The following C17orf99 variants were observed in gnomAD, a reference collection of about 807,000 sequenced individuals.
The protein encoded by C17orf99 is protein IL-40.
Under a neutral mutation model 22.6 loss-of-function variants are expected in C17orf99, and 18 were observed. That is an observed-to-expected ratio of 0.80 (90% CI 0.55 to 1.18). C17orf99 has a LOEUF of 1.18. Among genes scored for constraint, C17orf99 ranks in the 50% most tolerant of loss-of-function variants. The pLI, the probability that C17orf99 is intolerant of heterozygous loss-of-function variation, is 0.00. For synonymous variants in C17orf99, 147 were observed against 136.6 expected (o/e 1.08, Z -0.53); for missense variants, 328 against 342.7 (o/e 0.96, Z 0.34).
chr17:78,157,892 A>T, intron 2 of C17orf99: 1 of 1,170,366 alleles, frequency 8.5e-7, no homozygotes, highest in Non-Finnish European at 1.3e-6. Context: ...GATGACTGGC[A>T]AGCACGGCCA....
At chr17:78,160,647 GCTCAC>G in intron 2 of C17orf99, 42 of 401,224 alleles carry the variant, frequency 1.0e-4, no homozygotes, top group South Asian at 3.0e-4. Flanking sequence ...TGTGATCTCG[GCTCAC>G]TGCCACCTGC....
chr17:78,160,837 C>A, intron 2 of C17orf99, 118 bp from the exon 3 acceptor site: 1 of 756,324 alleles, frequency 1.3e-6, no homozygotes, highest in Non-Finnish European at 2.2e-6. Context: ...TCCACCTGGA[C>A]CTCCCAAACA....
At chr17:78,149,012 A>T (rs935935967) in intron 2 of C17orf99, among the ~76,000 whole-genome samples, 13 of 151,884 alleles carry the variant, frequency 8.6e-5, no homozygotes, top group African/African-American at 3.1e-4. Flanking sequence ...ATGGCATGGG[A>T]TGGGATGGGA....
At position 78,146,429 on chromosome 17, in the gene C17orf99, T is replaced by C. The variant is rs1405722635; in HGVS notation, c.22T>C (p.Cys8Arg). Residue 8 changes from cysteine (C) to arginine (R), a missense_variant, in exon 1 of 5, where the codon TGC (cysteine) becomes CGC (arginine). Physicochemically the swap from Cys to Arg is radical, Grantham distance 180. Coordinates refer to ENST00000340363, the MANE Select transcript of C17orf99 (RefSeq NM_001163075.2). The surrounding 1 kb of genome is among the most constrained non-coding windows in gnomAD (Gnocchi z 5.2). MGLPGLF[C>R]LAVLAASSFS... ...AGGCATGGGGCTCCCTGGGCTGTTC[T>C]GCTTGGCCGTGCTGGGTGAGTCCAC... The C allele has an allele frequency of 6.5e-7, 1 of 1,550,216 alleles. No homozygotes were observed. The highest frequency in any genetic ancestry group is 1.4e-5 in the African/African-American group (1 of 72,956).
chr17:78,146,150 G>A (rs2075436106), upstream of C17orf99, among the ~76,000 whole-genome samples: 1 of 152,212 alleles, frequency 6.6e-6, no homozygotes, highest in South Asian at 2.1e-4. This position sits in a 1 kb window ranked among gnomAD's most constrained non-coding sequence, Gnocchi z 5.2. Context: ...GGTGACTGCT[G>A]AGTCTAAGCC....
rs1415482263 is a variant in C17orf99, at chr17:78,166,168, A to C, written c.*122A>C. Reference sequence around the variant, plus strand: ...CTGCTCTTGCCACAAAAAAAAAAAAAAAAAAAAAAGGGTAACTATGAGAGA... The same window carrying C: ...CTGCTCTTGCCACAAAAAAAAAAAACAAAAAAAAAGGGTAACTATGAGAGA... On this transcript the variant is annotated 3_prime_UTR_variant, in exon 5 of 5. Transcript: ENST00000340363. 1.2e-5 allele frequency: 5 copies of C among 405,508 alleles called. 1 individual carries two copies. The highest frequency in any genetic ancestry group is 1.7e-5 in the Non-Finnish European group (4 of 229,844). The allele number at this position is 405,508 out of a possible 1,614,324, so 25.1% of individuals were successfully genotyped here.
intron 2 of C17orf99, among the ~76,000 whole-genome samples, chr17:78,148,969 TAC>T (rs1366761989): frequency 5.9e-5 from 9 of 151,702 alleles, no homozygotes; most frequent in Non-Finnish European, 1.2e-4. Context: ...GGGGTGGACA[TAC>T]ATTCTGGAGG....
intron 4 of C17orf99, chr17:78,165,292 G>C: frequency 7.1e-6 from 7 of 986,114 alleles, no homozygotes; most frequent in Non-Finnish European, 8.4e-6. Flanking sequence ...CGTGGCCCAG[G>C]CCCTTACGTG....
chr17:78,159,562 A>T (rs1188748566), intron 2 of C17orf99, among the ~76,000 whole-genome samples: 1 of 147,328 alleles, frequency 6.8e-6, no homozygotes, highest in African/African-American at 2.6e-5. Flanking sequence ...TCTCTTGAAC[A>T]CGGGAGGCGA....
At chr17:78,158,300 A>ATTT in intron 2 of C17orf99, 1 of 339,616 alleles carries the variant, frequency 2.9e-6, no homozygotes, top group South Asian at 2.7e-5. Context: ...CCTCCTACAC[A>ATTT]TTTTTTTTTT....
chr17:78,148,243 C>T (rs1375589772), intron 2 of C17orf99, among the ~76,000 whole-genome samples: 2 of 149,354 alleles, frequency 1.3e-5, no homozygotes, highest in African/African-American at 5.0e-5. Flanking sequence ...GAAAATGGCT[C>T]GATCTCAGCT....
At chr17:78,160,819 G>A in intron 2 of C17orf99, 136 bp from the exon 3 acceptor site, 1 of 674,136 alleles carries the variant, frequency 1.5e-6, no homozygotes, top group Non-Finnish European at 2.5e-6. Context: ...CTGACCTCAA[G>A]TGATCCGTCC....
At chr17:78,157,931 A>G (rs1345687956) in intron 2 of C17orf99, 5 of 1,168,484 alleles carry the variant, frequency 4.3e-6, no homozygotes, top group Admixed American at 1.8e-5. Flanking sequence ...TGGTACTGAC[A>G]TCTTTACTGG....
chr17:78,163,564 C>T (rs534290891), intron 3 of C17orf99, among the ~76,000 whole-genome samples: 4 of 152,150 alleles, frequency 2.6e-5, no homozygotes, highest in Non-Finnish European at 5.9e-5. Context: ...ATCTGAAATA[C>T]GCTACACAAG....
At chr17:78,165,282 C>T (rs766014223) in intron 4 of C17orf99, 127 of 986,298 alleles carry the variant, frequency 1.3e-4, no homozygotes, top group Non-Finnish European at 1.4e-4. Flanking sequence ...ATCCTCTGCC[C>T]GTGGCCCAGG....
chr17:78,150,419 C>G (rs9898239), intron 2 of C17orf99, among the ~76,000 whole-genome samples: 7,966 of 152,194 alleles, frequency 0.052, 683 homozygotes, highest in African/African-American at 0.18. Flanking sequence ...GCGGGGGTTA[C>G]AGGTATGAGC....
At chr17:78,164,832 A>C in intron 4 of C17orf99, 1 of 1,209,954 alleles carries the variant, frequency 8.3e-7, no homozygotes, top group Non-Finnish European at 1.0e-6. Context: ...GTTTATGAGG[A>C]CCTACTGTGT....
At chr17:78,153,786 T>C (rs1393874641) in intron 2 of C17orf99, among the ~76,000 whole-genome samples, 1 of 151,702 alleles carries the variant, frequency 6.6e-6, no homozygotes, top group Non-Finnish European at 1.5e-5. Flanking sequence ...TCAAATTGAC[T>C]AAAGAATCAG....
At chr17:78,150,000 C>G (rs560130272) in intron 2 of C17orf99, among the ~76,000 whole-genome samples, 2 of 146,882 alleles carry the variant, frequency 1.4e-5, no homozygotes, top group African/African-American at 5.1e-5. Flanking sequence ...AGAGCCACCA[C>G]GCCCGGAAGC....
Sources: gnomAD v4.1 joint callset for allele counts (sites outside exome capture counted in the v4.1 genomes callset) on GRCh38, gnomAD v4.1.1 for gene constraint, Gnocchi (gnomAD v3.1) non-coding constraint, MANE v1.5 for transcripts, NCBI Gene and HGNC (gene_info 2026-07-23, HGNC 2026-07-21) for gene names.